RASSF5: variants seen among roughly 807,000 people sequenced by gnomAD.
RASSF5 encodes the protein Ras association domain family member 5, also known as ras association domain-containing protein 5.
A neutral mutation model predicts 40.5 loss-of-function variants in RASSF5; 25 were observed. That is an observed-to-expected ratio of 0.62 (90% confidence interval 0.45 to 0.86). The LOEUF (loss-of-function observed/expected upper bound fraction) is 0.86, where lower values mean the gene tolerates loss of function less well. RASSF5 is among the 40% of genes least tolerant of loss of function. The pLI is 0.00. For synonymous variants in RASSF5, 246 were observed against 252.4 expected, an observed-to-expected ratio of 0.97 and a Z score of 0.24; for missense variants, 521 against 572.8, an observed-to-expected ratio of 0.91 and a Z score of 0.92.
At chr1:206,564,718 G>GT (rs1407845084) in intron 2 of RASSF5, among the ~76,000 whole-genome samples, 1 of 152,152 alleles carries the variant, frequency 6.6e-6, no homozygotes, top group Admixed American at 6.5e-5. Flanking sequence ...CAGGTCCTTG[G>GT]TTTCTTCTTC....
chr1:206,585,431 G>T, intron 5 of RASSF5, 136 bp downstream of exon 5: 1 of 689,264 alleles, frequency 1.5e-6, no homozygotes, highest in South Asian at 1.6e-5. Context: ...AGAGTGAGCA[G>T]GGGTGGGTGA....
chr1:206,576,290 T>C (rs1668656019), intron 2 of RASSF5, among the ~76,000 whole-genome samples: 2 of 152,208 alleles, frequency 1.3e-5, no homozygotes, highest in East Asian at 3.8e-4. Flanking sequence ...ATTTGTACTT[T>C]TGCTGCAATG....
In RASSF5 at chr1:206,531,711, T is replaced by G. The variant is rs1377212507; in HGVS notation, c.458-6461T>G. On this transcript the variant is annotated intron_variant, in intron 1 of 5. Coordinates refer to ENST00000579436, the MANE Select transcript of RASSF5 (RefSeq NM_182663.4). The surrounding 1 kb of genome is among the most constrained non-coding windows in gnomAD (Gnocchi z 4.7). The stretch of plus-strand genomic sequence containing the variant: ...TGAGATGGTGACAGTCCCCACTGAC[T>G]TATTCAAGAGGATCAGGACAAGCTT... 2.0e-5 allele frequency among the ~76,000 whole-genome samples: 3 copies of G among 152,186 alleles called. No homozygotes were observed. Among genetic ancestry groups the G allele is most frequent in the Non-Finnish European group, 4.4e-5 (3 of 68,038 alleles).
chr1:206,514,166 C>G (rs1666691068), intron 1 of RASSF5, among the ~76,000 whole-genome samples: 1 of 152,094 alleles, frequency 6.6e-6, no homozygotes, highest in African/African-American at 2.4e-5. Flanking sequence ...CTTTTTTTAC[C>G]CTTTTTGGAG....
intron 1 of RASSF5, among the ~76,000 whole-genome samples, chr1:206,536,321 TTGG>T (rs139535682): frequency 6.6e-6 from 1 of 152,160 alleles, no homozygotes; most frequent in Non-Finnish European, 1.5e-5. Flanking sequence ...GGAGAGGATA[TTGG>T]TGGGCTTCAC....
intron 2 of RASSF5, among the ~76,000 whole-genome samples, chr1:206,580,357 C>T (rs1203042193): frequency 6.6e-6 from 1 of 152,208 alleles, no homozygotes; most frequent in Non-Finnish European, 1.5e-5. Flanking sequence ...CTTTCCATTA[C>T]TTATTTTTTA....
chr1:206,572,075 C>T (rs1553404279), intron 2 of RASSF5, among the ~76,000 whole-genome samples: 1 of 152,172 alleles, frequency 6.6e-6, no homozygotes, highest in African/African-American at 2.4e-5. Context: ...ATCTGGTGTT[C>T]AGTAGTCTCA....
At chr1:206,583,181 T>C (rs567676100) in intron 2 of RASSF5, 88 bp from the exon 3 acceptor site, 37 of 843,460 alleles carry the variant, frequency 4.4e-5, no homozygotes, top group East Asian at 3.2e-4. Flanking sequence ...CACTTCTTGG[T>C]TAGAGAGGCT....
rs1275337108 is a variant in RASSF5 at position 206,535,576 on chromosome 1, T to C, written c.458-2596T>C. 5.9e-5 allele frequency among the ~76,000 whole-genome samples: 9 copies of C among 152,186 alleles called. No homozygotes were observed. The highest frequency in any genetic ancestry group is 1.9e-4 in the East Asian group (1 of 5,202). On this transcript the variant is annotated intron_variant, in intron 1 of 5. Transcript: ENST00000579436. This position sits in a 1 kb window ranked among gnomAD's most constrained non-coding sequence, Gnocchi z 5.0. ...TGCAGCCTGTGATTACATGGTCCGA[T>C]GGAACAAAGTCTTTGGTGCTCAAAC...
At chr1:206,545,373 A>G (rs1667656897) in intron 2 of RASSF5, among the ~76,000 whole-genome samples, 2 of 141,502 alleles carry the variant, frequency 1.4e-5, no homozygotes, top group Non-Finnish European at 3.0e-5. Context: ...TTTAACAGAC[A>G]GGGTCTCACT....
chr1:206,507,850 T>A lies in RASSF5; in HGVS notation c.248T>A (p.Leu83His). The A allele has an allele frequency of 6.9e-7, 1 of 1,458,990 alleles. No homozygotes were observed. The highest frequency in any genetic ancestry group is 9.0e-7 in the Non-Finnish European group (1 of 1,111,878). 90.4% of individuals were successfully genotyped at this position (1,458,990 alleles called of 1,614,324 possible). A position where few individuals can be genotyped will look rare whatever the true frequency, so the allele number is the denominator to read the frequency against. Reference protein sequence around the residue: ...PPRASRPARPLRPGLQQRLRR... With the variant: ...PPRASRPARPHRPGLQQRLRR... The stretch of plus-strand genomic sequence containing the variant: ...CGGGCCTCCCGACCCGCTCGCCCGC[T>A]CCGGCCTGGTCTGCAGCAGAGACTG... Residue 83 changes from leucine to histidine, a missense_variant, in exon 1 of 6, where the codon CTC becomes CAC. Leu to His is a moderately conservative substitution (Grantham distance 99). Transcript: ENST00000579436.
intron 1 of RASSF5, among the ~76,000 whole-genome samples, chr1:206,527,691 TCTCCCTG>T (rs1357604711): frequency 2.6e-5 from 4 of 152,078 alleles, no homozygotes; most frequent in Non-Finnish European, 5.9e-5. Context: ...GGTGGGGTAC[TCTCCCTG>T]CTCCCTGCTA....
In RASSF5 at chr1:206,583,267, A is replaced by G. The variant is rs1668966314; in HGVS notation, c.580-2A>G. The G allele has an allele frequency of 1.9e-6, 3 of 1,604,706 alleles. No homozygotes were observed. The highest frequency in any genetic ancestry group is 1.3e-5 in the African/African-American group (1 of 74,710). On this transcript the variant is annotated splice_acceptor_variant, in intron 2 of 5. Transcript: ENST00000579436. LOFTEE classifies it high-confidence loss of function. Reference sequence around the variant, plus strand: ...CCACCTCCACTTCTGTGTCTCTTCCAGAATGTCTGTAAACCTGTGGAGGAG... The same window carrying G: ...CCACCTCCACTTCTGTGTCTCTTCCGGAATGTCTGTAAACCTGTGGAGGAG...
At chr1:206,547,179 C>G (rs1553400311) in intron 2 of RASSF5, among the ~76,000 whole-genome samples, 1 of 152,200 alleles carries the variant, frequency 6.6e-6, no homozygotes, top group East Asian at 1.9e-4. Flanking sequence ...TTCTCATCTA[C>G]AGACCTTTGT....
At chr1:206,550,168 G>A (rs984319761) in intron 2 of RASSF5, among the ~76,000 whole-genome samples, 8 of 152,082 alleles carry the variant, frequency 5.3e-5, no homozygotes, top group Admixed American at 3.3e-4. Context: ...CCTGTGTCTC[G>A]GGGATTGCTA....
At chr1:206,585,129 C>A in intron 4 of RASSF5, 51 bp from the exon 5 acceptor site, 1 of 1,409,766 alleles carries the variant, frequency 7.1e-7, no homozygotes, top group Non-Finnish European at 1.0e-6. Context: ...AAGCCTGGGC[C>A]CCGCCCTTCT....
In RASSF5 at chr1:206,524,296, T is replaced by C. The variant is rs1034859119; in HGVS notation, c.458-13876T>C. Among the ~76,000 whole-genome samples the C allele has an allele frequency of 1.6e-4, 23 of 141,020 alleles. 1 individual carries two copies. In the South Asian group the frequency reaches 4.7e-3, roughly 29 times the overall value. The allele number at this position is 141,020 out of a possible 152,430, so 92.5% of individuals were successfully genotyped here. A position where few individuals can be genotyped will look rare whatever the true frequency, so the allele number is the denominator to read the frequency against. On this transcript the variant is annotated intron_variant, in intron 1 of 5. Transcript: ENST00000579436. ...TAATACATTTTATATATATTATAGA[T>C]ACCATATGTAATACATTTTACATAT...
intron 2 of RASSF5, among the ~76,000 whole-genome samples, chr1:206,540,901 T>A (rs6540456): frequency 0.075 from 11,435 of 151,598 alleles, 1,477 homozygotes; most frequent in African/African-American, 0.26. Context: ...TGATATATAT[T>A]TTTTTTTCCT....
intron 2 of RASSF5, chr1:206,557,787 A>G (rs1425475904): frequency 6.4e-6 from 9 of 1,406,734 alleles, no homozygotes; most frequent in Non-Finnish European, 8.9e-6. Flanking sequence ...GCAAAGGGAC[A>G]AAGCCACATG....
Sources: gnomAD v4.1 joint callset for allele counts (sites outside exome capture counted in the v4.1 genomes callset) on GRCh38, gnomAD v4.1.1 for gene constraint, Gnocchi (gnomAD v3.1) non-coding constraint, MANE v1.5 for transcripts, NCBI Gene and HGNC (gene_info 2026-07-23, HGNC 2026-07-21) for gene names.